PARN: variants seen among roughly 807,000 people sequenced by gnomAD.
PARN encodes poly(A)-specific ribonuclease PARN.
Under a neutral mutation model 102.8 loss-of-function variants are expected in PARN, and 71 were observed. The ratio of observed to expected loss-of-function variants is 0.69; its 90% CI spans 0.57 to 0.84. PARN has a LOEUF of 0.84. Ranked by LOEUF, PARN falls within the 40% of genes least tolerant of loss-of-function variation. The pLI is 0.00. For synonymous variants in PARN, 261 were observed against 252.9 expected (o/e 1.03, Z -0.30); for missense variants, 782 against 760.9 (o/e 1.03, Z -0.33).
intron 22 of PARN, among the ~76,000 whole-genome samples, chr16:14,459,051 A>G (rs1409397201): frequency 6.6e-6 from 1 of 152,192 alleles, no homozygotes; most frequent in Non-Finnish European, 1.5e-5. Context: ...CTGAAACCTT[A>G]CAGCTAATTC....
intron 21 of PARN, among the ~76,000 whole-genome samples, chr16:14,550,393 C>A (rs1330355189): frequency 6.6e-6 from 1 of 152,188 alleles, no homozygotes; most frequent in African/African-American, 2.4e-5. Context: ...AGTAAAAGCT[C>A]AAAGCCATGC....
At chr16:14,454,710 G>GT (rs35634741) in intron 22 of PARN, among the ~76,000 whole-genome samples, 2 of 152,130 alleles carry the variant, frequency 1.3e-5, no homozygotes, top group African/African-American at 4.8e-5. Context: ...AGGAATTTTT[G>GT]TTTTTTCCAA....
At chr16:14,584,153 C>T (rs1375688084) in intron 16 of PARN, among the ~76,000 whole-genome samples, 194 bp downstream of exon 16, 1 of 152,106 alleles carries the variant, frequency 6.6e-6, no homozygotes, top group Non-Finnish European at 1.5e-5. Flanking sequence ...ACTCCATTAA[C>T]ATAAAATATA....
At chr16:14,516,901 C>G (rs1965490148) in intron 21 of PARN, among the ~76,000 whole-genome samples, 2 of 152,232 alleles carry the variant, frequency 1.3e-5, no homozygotes, top group South Asian at 4.1e-4. Context: ...AAGAAAAGGA[C>G]AGAATGAAGA....
chr16:14,501,449 A>AAAAAAAAAAAAAAAAAAAAAAAAAAG, intron 21 of PARN: 1 of 127,100 alleles, frequency 7.9e-6, no homozygotes, highest in African/African-American at 3.6e-5. Flanking sequence ...AAAAAAAAAA[A>AAAAAAAAAAAAAAAAAAAAAAAAAAG]AAAAAAAAAA....
intron 18 of PARN, among the ~76,000 whole-genome samples, chr16:14,558,839 G>A (rs552885174): frequency 6.6e-6 from 1 of 152,054 alleles, no homozygotes; most frequent in East Asian, 1.9e-4. Context: ...ACAGCTTTGG[G>A]AAACTTTGAG....
intron 21 of PARN, among the ~76,000 whole-genome samples, chr16:14,521,601 C>T (rs1423107857): frequency 1.3e-5 from 2 of 152,094 alleles, no homozygotes; most frequent in Admixed American, 6.5e-5. Context: ...GAGTTTGAGA[C>T]CAGCCTGACC....
At chr16:14,478,900 A>G (rs1237650455) in intron 22 of PARN, among the ~76,000 whole-genome samples, 1 of 152,124 alleles carries the variant, frequency 6.6e-6, no homozygotes. Flanking sequence ...TCCTGCCCTC[A>G]GCCTCCTGAG....
chr16:14,504,354 T>TG (rs1964776187), intron 21 of PARN, among the ~76,000 whole-genome samples: 1 of 152,202 alleles, frequency 6.6e-6, no homozygotes, highest in East Asian at 1.9e-4. Flanking sequence ...GGTCAGGAGT[T>TG]GGAGATCAGC....
At chr16:14,531,361 C>CA (rs113584468) in intron 21 of PARN, among the ~76,000 whole-genome samples, 26,323 of 138,810 alleles carry the variant, frequency 0.19, 2,594 homozygotes, top group Middle Eastern at 0.28. Context: ...GACTCCATCT[C>CA]AAAAAAAAAA....
chr16:14,557,949 G>A (rs912408556), intron 18 of PARN, among the ~76,000 whole-genome samples: 5 of 151,986 alleles, frequency 3.3e-5, no homozygotes, highest in Non-Finnish European at 5.9e-5. Context: ...CATTATTTTC[G>A]CCTACCAGAA....
intron 21 of PARN, among the ~76,000 whole-genome samples, chr16:14,537,445 A>C (rs968953936): frequency 6.6e-6 from 1 of 152,234 alleles, no homozygotes; most frequent in African/African-American, 2.4e-5. Context: ...GTGGAAATTT[A>C]TCTGAAGGAA....
chr16:14,470,437 G>GATGATGATGATGATTATT (rs369121377), intron 22 of PARN, among the ~76,000 whole-genome samples: 13 of 147,152 alleles, frequency 8.8e-5, no homozygotes, highest in Non-Finnish European at 1.8e-4. Flanking sequence ...GAGTTTGGAT[G>GATGATGATGATGATTATT]ATTATTATTA....
chr16:14,555,030 A>G (rs1283130825), intron 19 of PARN, among the ~76,000 whole-genome samples: 1 of 152,244 alleles, frequency 6.6e-6, no homozygotes, highest in African/African-American at 2.4e-5. Flanking sequence ...TGTGAGAATG[A>G]CAGACCAAAA....
At chr16:14,542,305 C>T (rs2151690080) in intron 21 of PARN, among the ~76,000 whole-genome samples, 1 of 145,082 alleles carries the variant, frequency 6.9e-6, no homozygotes, top group Admixed American at 6.9e-5. Flanking sequence ...CACACCTGGG[C>T]TTTTTTTTTT....
Position 14,599,959 on chromosome 16 carries a change from T to A in PARN, c.785A>T (p.Glu262Val). 6.4e-7 allele frequency: 1 copy of A among 1,571,368 alleles called. No homozygotes were observed. Among genetic ancestry groups the A allele is most frequent in the Non-Finnish European group, 8.7e-7 (1 of 1,149,830 alleles). ...AAATCCCACAGCATCATTCAGCTCC[T>A]CCTAATTAAAAAAATATATACATAT... Reference protein sequence around the residue: ...REQQKHAKEQEELNDAVGFSR... With the variant: ...REQQKHAKEQVELNDAVGFSR... Residue 262 changes from glutamate to valine, a missense_variant and splice_region_variant, in exon 12 of 24, where the codon GAG becomes GTG. Physicochemically the swap from Glu to Val is moderately radical, Grantham distance 121. Coordinates refer to ENST00000437198, the MANE Select transcript of PARN (RefSeq NM_002582.4).
chr16:14,584,587 G>C (rs1317455171), intron 15 of PARN, among the ~76,000 whole-genome samples, 162 bp downstream of exon 15: 1 of 152,124 alleles, frequency 6.6e-6, no homozygotes, highest in Non-Finnish European at 1.5e-5. Flanking sequence ...AAGAGAAGCA[G>C]CTAGTTTAAT....
chr16:14,542,779 T>C (rs773825425), intron 21 of PARN, among the ~76,000 whole-genome samples: 1 of 152,132 alleles, frequency 6.6e-6, no homozygotes, highest in South Asian at 2.1e-4. Flanking sequence ...ATATATAACC[T>C]GAAGAAGACA....
chr16:14,574,094 T>A (rs1293408053), intron 18 of PARN, among the ~76,000 whole-genome samples: 1 of 152,048 alleles, frequency 6.6e-6, no homozygotes, highest in Admixed American at 6.6e-5. Flanking sequence ...TAGAGACTTG[T>A]TGAATGGTTT....
Sources: gnomAD v4.1 joint callset for allele counts (sites outside exome capture counted in the v4.1 genomes callset) on GRCh38, gnomAD v4.1.1 for gene constraint, MANE v1.5 for transcripts, NCBI Gene and HGNC (gene_info 2026-07-23, HGNC 2026-07-21) for gene names.